SMCO2: variants seen among roughly 807,000 people sequenced by gnomAD.
SMCO2 encodes single-pass membrane and coiled-coil domain-containing protein 2.
In SMCO2, 25 loss-of-function variants were observed where a neutral mutation model predicts 29.5. The observed-to-expected ratio is 0.85, with a 90% confidence interval of 0.62 to 1.18. SMCO2 has a LOEUF of 1.18. Among genes scored for constraint, SMCO2 ranks in the 50% most tolerant of loss-of-function variants. The pLI is 0.00. For missense variants in SMCO2, 348 were observed against 344.5 expected, an observed-to-expected ratio of 1.01 and a Z score of -0.08; for synonymous variants, 117 against 123.3, an observed-to-expected ratio of 0.95 and a Z score of 0.34.
At chr12:27,434,783 G>T in the SMCO2 span, among the ~76,000 whole-genome samples, 1 of 152,180 alleles carries the variant, frequency 6.6e-6, no homozygotes, top group Non-Finnish European at 1.5e-5. Context: ...TTAAGGGAAG[G>T]GGGTACTGTA....
chr12:27,476,087 TTAATTTCTTCCC>T (rs1949584011), intron 4 of SMCO2, among the ~76,000 whole-genome samples: 3 of 152,224 alleles, frequency 2.0e-5, no homozygotes, highest in African/African-American at 4.8e-5. Flanking sequence ...TCAAGCAATT[TTAATTTCTTCCC>T]TAATTTCTTC....
chr12:27,483,014 A>C (rs1949658690), intron 4 of SMCO2, among the ~76,000 whole-genome samples: 1 of 152,216 alleles, frequency 6.6e-6, no homozygotes, highest in South Asian at 2.1e-4. Context: ...GGTGTTAACC[A>C]CCGTGCCCAG....
intron 5 of SMCO2, among the ~76,000 whole-genome samples, chr12:27,492,904 T>G (rs1232250712): frequency 6.6e-6 from 1 of 152,132 alleles, no homozygotes; most frequent in African/African-American, 2.4e-5. Context: ...GAAGCACTAT[T>G]CACAATAGCA....
At chr12:27,477,083 G>A (rs780598782) in intron 4 of SMCO2, among the ~76,000 whole-genome samples, 34 of 151,930 alleles carry the variant, frequency 2.2e-4, no homozygotes, top group Admixed American at 4.6e-4. Flanking sequence ...ACTTCCAGAT[G>A]TAGGATTTCT....
intron 7 of SMCO2, chr12:27,496,911 A>T (rs1466273014): frequency 1.3e-5 from 2 of 151,462 alleles, no homozygotes; most frequent in Non-Finnish European, 2.9e-5. Context: ...TGGGGACTTG[A>T]CGTATACAAG....
chr12:27,462,767 C>A (rs1027928248), upstream of SMCO2, among the ~76,000 whole-genome samples: 4 of 152,190 alleles, frequency 2.6e-5, no homozygotes, highest in Admixed American at 6.5e-5. Context: ...ATATTACAAA[C>A]CCCTCCAGGG....
the SMCO2 span, among the ~76,000 whole-genome samples, chr12:27,428,047 C>A: frequency 2.0e-5 from 3 of 152,136 alleles, no homozygotes; most frequent in Admixed American, 1.3e-4. Flanking sequence ...AACCGGATTA[C>A]CCTTGTGGGT....
At chr12:27,446,738 T>C in the SMCO2 span, 1 of 152,174 alleles carries the variant, frequency 6.6e-6, no homozygotes, top group Non-Finnish European at 1.5e-5. Context: ...TCTAATCCAG[T>C]GGTTCTCAAA....
chr12:27,502,090 A>G (rs1227472172), exon 8 of SMCO2: 1 of 1,543,094 alleles, frequency 6.5e-7, no homozygotes, highest in South Asian at 1.2e-5. Flanking sequence ...CCTTTCTTGA[A>G]TTTGGAAGTG....
chr12:27,475,671 G>T (rs573595707), intron 4 of SMCO2: 1 of 1,548,702 alleles, frequency 6.5e-7, no homozygotes, highest in Non-Finnish European at 8.7e-7. Flanking sequence ...TACATAGACG[G>T]AACGGAGAAA....
chr12:27,470,836 T>C, intron 2 of SMCO2, 71 bp downstream of exon 2: 6 of 1,482,040 alleles, frequency 4.0e-6, no homozygotes, highest in Non-Finnish European at 5.4e-6. Flanking sequence ...GCCAGCGGTA[T>C]GCAAACGATG....
the SMCO2 span, among the ~76,000 whole-genome samples, chr12:27,427,047 T>C: frequency 6.6e-6 from 1 of 152,174 alleles, no homozygotes; most frequent in African/African-American, 2.4e-5. Context: ...AGACTACAGT[T>C]TGGTAGAAAG....
intron 5 of SMCO2, among the ~76,000 whole-genome samples, chr12:27,491,295 G>T (rs1275892221): frequency 6.6e-6 from 1 of 152,166 alleles, no homozygotes; most frequent in Admixed American, 6.5e-5. Context: ...AGGACTTTGA[G>T]GTGGCCTTTG....
At chr12:27,471,090 A>C (rs937840021) in intron 2 of SMCO2, among the ~76,000 whole-genome samples, 21 of 152,156 alleles carry the variant, frequency 1.4e-4, no homozygotes, top group Admixed American at 4.6e-4. Flanking sequence ...TCTGGCATAG[A>C]GGGAGTACAA....
At chr12:27,442,943 T>A in the SMCO2 span, among the ~76,000 whole-genome samples, 25 of 152,240 alleles carry the variant, frequency 1.6e-4, no homozygotes, top group Admixed American at 1.4e-3. Context: ...TTTAAAGAAC[T>A]AATACCAATA....
At chr12:27,497,997 A>G (rs1943032155) in intron 7 of SMCO2, 2 of 292,566 alleles carry the variant, frequency 6.8e-6, no homozygotes, top group East Asian at 1.8e-4. Flanking sequence ...GAAACAGTTC[A>G]TCTCGTAGAC....
the SMCO2 span, among the ~76,000 whole-genome samples, chr12:27,430,171 G>T: frequency 6.6e-6 from 1 of 152,012 alleles, no homozygotes; most frequent in African/African-American, 2.4e-5. Flanking sequence ...GTATATTCTG[G>T]TACTCGTTTT....
chr12:27,464,095 A>G (rs1235463812), upstream of SMCO2, among the ~76,000 whole-genome samples: 2 of 152,210 alleles, frequency 1.3e-5, no homozygotes, highest in Non-Finnish European at 2.9e-5. Flanking sequence ...ATGGAATAGA[A>G]TCCCCAAAAA....
chr12:27,440,648 G>GTTTTT, the SMCO2 span, among the ~76,000 whole-genome samples: 2 of 122,380 alleles, frequency 1.6e-5, no homozygotes, highest in Admixed American at 9.0e-5. Context: ...TTTTCTGTGG[G>GTTTTT]TTTTTTTTTT....
Sources: allele counts gnomAD v4.1 joint callset (sites outside exome capture counted in the v4.1 genomes callset), GRCh38; gene constraint gnomAD v4.1.1; transcripts MANE v1.5; gene names NCBI Gene and HGNC (gene_info 2026-07-23, HGNC 2026-07-21).